Variants in DNAH2 observed in about 807,000 individuals in gnomAD.
DNAH2 encodes dynein axonemal heavy chain 2.
A neutral mutation model predicts 523.5 loss-of-function variants in DNAH2; 323 were observed. The observed-to-expected ratio is 0.62, with a 90% CI of 0.56 to 0.68. The LOEUF (loss-of-function observed/expected upper bound fraction) is 0.68. Among genes scored for constraint, DNAH2 ranks in the 30% least tolerant of loss-of-function variants. DNAH2 has a pLI of 0.00. For synonymous variants in DNAH2, 2,093 were observed against 2,177.4 expected (o/e 0.96, Z 1.08); for missense variants, 4,907 against 5,701.5 (o/e 0.86, Z 4.49).
intron 2 of DNAH2, among the ~76,000 whole-genome samples, chr17:7,721,004 C>CTTTTT (rs71159523): frequency 3.2e-3 from 348 of 109,624 alleles, no homozygotes; most frequent in Middle Eastern, 6.1e-3. Flanking sequence ...TTCTTTCTTT[C>CTTTTT]TTTTTTTTTT....
chr17:7,770,093 G>T (rs148540666), intron 24 of DNAH2, among the ~76,000 whole-genome samples, 159 bp from the exon 25 acceptor site: 1 of 152,132 alleles, frequency 6.6e-6, no homozygotes, highest in Admixed American at 6.5e-5. Flanking sequence ...CTCAATCTTC[G>T]TATTCCCCTG....
intron 30 of DNAH2, among the ~76,000 whole-genome samples, chr17:7,775,819 G>T (rs1350281109): frequency 3.3e-5 from 5 of 151,778 alleles, no homozygotes; most frequent in African/African-American, 7.3e-5. Context: ...GACCATCTCT[G>T]CTCTGAACCG....
chr17:7,788,275 G>A, intron 44 of DNAH2, 31 bp downstream of exon 44: 3 of 1,533,716 alleles, frequency 2.0e-6, no homozygotes, highest in Non-Finnish European at 2.6e-6. Context: ...ACGGGCAGGG[G>A]CAGGGGGTGC....
chr17:7,823,390 C>G, intron 73 of DNAH2, 52 bp from the exon 74 acceptor site: 1 of 1,509,092 alleles, frequency 6.6e-7, no homozygotes, highest in South Asian at 1.2e-5. Context: ...GATCACTCTT[C>G]TTTTGAAGTA....
chr17:7,728,257 GGTCATCACT>G (rs1381784211), intron 4 of DNAH2, among the ~76,000 whole-genome samples: 2 of 152,066 alleles, frequency 1.3e-5, no homozygotes, highest in African/African-American at 4.8e-5. Flanking sequence ...TGGTCATACA[GGTCATCACT>G]GTAAAATTCT....
chr17:7,762,631 G>A (rs1827775091), intron 18 of DNAH2, among the ~76,000 whole-genome samples: 1 of 152,058 alleles, frequency 6.6e-6, no homozygotes, highest in Admixed American at 6.5e-5. Flanking sequence ...ACCAAGCCCG[G>A]CCGACTTTGC....
intron 56 of DNAH2, 121 bp downstream of exon 56, chr17:7,799,363 C>G: frequency 7.2e-7 from 1 of 1,382,362 alleles, no homozygotes; most frequent in Non-Finnish European, 9.9e-7. Flanking sequence ...CCCGCCTCAC[C>G]CATCTCCTTT....
At chr17:7,761,616 C>G (rs1242990030) in intron 18 of DNAH2, among the ~76,000 whole-genome samples, 1 of 151,864 alleles carries the variant, frequency 6.6e-6, no homozygotes, top group African/African-American at 2.4e-5. Flanking sequence ...TCCCGAGTAG[C>G]TGGGATTACA....
intron 77 of DNAH2, 114 bp downstream of exon 77, chr17:7,824,841 A>G (rs559563669): frequency 1.2e-6 from 1 of 861,226 alleles, no homozygotes. Flanking sequence ...TCCTCAAAAA[A>G]TTCCACCTCA....
chr17:7,777,656 C>A (rs1168850826), intron 33 of DNAH2, 22 bp downstream of exon 33: 2 of 1,612,884 alleles, frequency 1.2e-6, no homozygotes. Context: ...GCCACCTCCC[C>A]ACTCTCTTAC....
Position 7,801,812 on chromosome 17 carries a change from C to T in DNAH2, c.8833-66C>T, listed in dbSNP as rs1237870559. ...GGCCTCTCTCCTTCCCGCCTCTCAT[C>T]GCACTCCCAGCCTCTCTCCCACTTC... On this transcript the variant is annotated intron_variant, in intron 57 of 85. Coordinates refer to ENST00000572933, the MANE Select transcript of DNAH2 (RefSeq NM_020877.5). 1.4e-5 allele frequency: 23 copies of T among 1,610,582 alleles called. No individual in the cohort carries two copies. In the Middle Eastern group the frequency reaches 6.6e-4, roughly 46 times the overall value.
intron 2 of DNAH2, among the ~76,000 whole-genome samples, chr17:7,723,268 C>CT (rs58689789): frequency 0.059 from 3,520 of 59,866 alleles, 569 homozygotes; most frequent in African/African-American, 0.22. Flanking sequence ...CTGTACCCGG[C>CT]TTTTTTTTTT....
In DNAH2 at chr17:7,818,755, A is replaced by G; in HGVS notation, c.10649A>G (p.Glu3550Gly). 2 of 1,614,032 alleles carry G rather than the reference A, an allele frequency of 1.2e-6. No individual in the cohort carries two copies. Among genetic ancestry groups the G allele is most frequent in the Non-Finnish European group, 1.7e-6 (2 of 1,179,968 alleles). Reference sequence around the variant, plus strand: ...GCGGCTGGTAAAAGGAAGCTCAAGGAGCTGGAGGATGAGATCCTGCGGTGA... The same window carrying G: ...GCGGCTGGTAAAAGGAAGCTCAAGGGGCTGGAGGATGAGATCCTGCGGTGA... ...NIAAGKRKLK[E>G]LEDEILRLLN... Residue 3550 changes from glutamate (E) to glycine (G), a missense_variant, in exon 70 of 86, where the codon GAG (glutamate) becomes GGG (glycine). This residue lies in a region of DNAH2 where 1,851 missense variants were observed against 2,139.4 expected (regional missense o/e 0.87). Coordinates refer to ENST00000572933, the MANE Select transcript of DNAH2 (RefSeq NM_020877.5).
Position 7,749,308 on chromosome 17 carries a change from C to CAAAAAAAAAAAAAAAAAA in DNAH2, c.1904+6189_1904+6206dup, listed in dbSNP as rs57660603. ...GGGCAACAAGAGCTAAACTCCCCCC[C>CAAAAAAAAAAAAAAAAAA]AAAAAAAAAAAAAAAAAAAAAAAAA... On this transcript the variant is annotated intron_variant, in intron 12 of 85. Coordinates refer to ENST00000572933, the MANE Select transcript of DNAH2 (RefSeq NM_020877.5). Among the ~76,000 whole-genome samples the CAAAAAAAAAAAAAAAAAA allele has an allele frequency of 6.4e-3, 114 of 17,764 alleles. 51 individuals carry two copies. Among genetic ancestry groups the CAAAAAAAAAAAAAAAAAA allele is most frequent in the East Asian group, 0.014 (9 of 638 alleles). 11.7% of individuals were successfully genotyped at this position (17,764 alleles called of 152,430 possible).
chr17:7,759,245 C>T (rs919097680), intron 15 of DNAH2, 121 bp downstream of exon 15: 4 of 1,474,468 alleles, frequency 2.7e-6, no homozygotes, highest in Admixed American at 2.1e-5. Context: ...TCTCAAACAT[C>T]GTGCTCTAGT....
intron 12 of DNAH2, among the ~76,000 whole-genome samples, chr17:7,746,411 ATTG>A: frequency 6.6e-6 from 1 of 152,186 alleles, no homozygotes; most frequent in Non-Finnish European, 1.5e-5. Flanking sequence ...TACTATACAT[ATTG>A]TTCTATATAT....
chr17:7,833,290 C>G, intron 85 of DNAH2, 69 bp downstream of exon 85: 1 of 1,607,034 alleles, frequency 6.2e-7, no homozygotes, highest in Non-Finnish European at 8.5e-7. Context: ...ATTCTCTGCT[C>G]CAGCCCATCC....
At chr17:7,741,433 C>A in intron 11 of DNAH2, among the ~76,000 whole-genome samples, 1 of 150,570 alleles carries the variant, frequency 6.6e-6, no homozygotes. Context: ...TCTCAGCTCA[C>A]TGCAAGCTCT....
intron 11 of DNAH2, among the ~76,000 whole-genome samples, chr17:7,741,318 C>CCTCA (rs2075336227): frequency 1.2e-5 from 1 of 82,862 alleles, no homozygotes; most frequent in African/African-American, 5.5e-5. Flanking sequence ...TCCCTCCCTC[C>CCTCA]CTCCCTCCTT....
Sources: gnomAD v4.1 joint callset for allele counts (sites outside exome capture counted in the v4.1 genomes callset) on GRCh38, gnomAD v4.1.1 for gene constraint, gnomAD v4.1.1 regional missense constraint, MANE v1.5 for transcripts, NCBI Gene and HGNC (gene_info 2026-07-23, HGNC 2026-07-21) for gene names.